The following PUM3 variants were observed in gnomAD, a reference collection of about 807,000 sequenced individuals.
PUM3 encodes the protein pumilio RNA binding family member 3, also known as pumilio homolog 3.
PUM3 carries 91 observed loss-of-function variants against 84.0 expected under a neutral mutation model. The ratio of observed to expected loss-of-function variants is 1.08; its 90% CI spans 0.91 to 1.29. PUM3 has a LOEUF of 1.29. PUM3 is among the 50% of genes most tolerant of loss of function. PUM3 has a pLI of 0.00. For missense variants in PUM3, 1,067 were observed against 767.5 expected (o/e 1.39, Z -4.61); for synonymous variants, 321 against 266.7 (o/e 1.20, Z -1.98).
At chr9:2,816,679 C>T (rs1004862107) in intron 13 of PUM3, among the ~76,000 whole-genome samples, 12 of 152,136 alleles carry the variant, frequency 7.9e-5, no homozygotes, top group Admixed American at 1.3e-4. Flanking sequence ...CCTGGCCTGG[C>T]CACTCATTTA....
chr9:2,808,918 T>C (rs938931406), intron 16 of PUM3, among the ~76,000 whole-genome samples: 4 of 152,124 alleles, frequency 2.6e-5, no homozygotes, highest in Non-Finnish European at 4.4e-5. Context: ...GTGCCACGCA[T>C]TTACTTTGTC....
chr9:2,827,231 T>A, intron 9 of PUM3, 80 bp from the exon 10 acceptor site: 1 of 885,178 alleles, frequency 1.1e-6, no homozygotes, highest in Non-Finnish European at 1.8e-6. Flanking sequence ...CTCAAAGTCC[T>A]AAAGTAATCT....
At chr9:2,837,633 A>T (rs1280850238) in intron 2 of PUM3, among the ~76,000 whole-genome samples, 1 of 152,162 alleles carries the variant, frequency 6.6e-6, no homozygotes, top group Non-Finnish European at 1.5e-5. Context: ...TGTAAAATAA[A>T]AGCTACCCAT....
At chr9:2,819,931 T>C in intron 13 of PUM3, 87 bp downstream of exon 13, 1 of 805,938 alleles carries the variant, frequency 1.2e-6, no homozygotes, top group Non-Finnish European at 2.1e-6. Context: ...GCTGCAAGTC[T>C]TTACACATGC....
intron 5 of PUM3, among the ~76,000 whole-genome samples, 156 bp from the exon 6 acceptor site, chr9:2,831,500 T>C (rs1287148629): frequency 6.6e-6 from 1 of 152,206 alleles, no homozygotes; most frequent in Non-Finnish European, 1.5e-5. Context: ...GTTTTAATTA[T>C]ACAAAACATC....
rs556274346 is a variant in PUM3 at position 2,831,035 on chromosome 9, A to C, written c.611-7T>G. On this transcript the variant is annotated splice_polypyrimidine_tract_variant and splice_region_variant and intron_variant, in intron 6 of 17. Coordinates refer to ENST00000397885, the MANE Select transcript of PUM3 (RefSeq NM_014878.5). Reference sequence around the variant, plus strand: ...CTTAACTCAACCAAATCATCTGAAAAACAAAAATACATTACAGTGACTTCA... The same window carrying C: ...CTTAACTCAACCAAATCATCTGAAACACAAAAATACATTACAGTGACTTCA... 4.8e-5 allele frequency: 67 copies of C among 1,408,436 alleles called. No homozygotes were observed. Among genetic ancestry groups the C allele is most frequent in the Non-Finnish European group, 5.6e-5 (56 of 1,002,094 alleles). The allele number at this position is 1,408,436 out of a possible 1,614,324, so 87.2% of individuals were successfully genotyped here.
Position 2,822,531 on chromosome 9 carries a change from TAAAC to T in PUM3, c.1188+1246_1188+1249del, listed in dbSNP as rs541393327. Among the ~76,000 whole-genome samples the T allele has an allele frequency of 1.4e-3, 219 of 151,870 alleles. 3 individuals are homozygous for T. The highest frequency in any genetic ancestry group is 4.7e-3 in the African/African-American group (197 of 41,510). On this transcript the variant is annotated intron_variant, in intron 12 of 17. Coordinates refer to ENST00000397885, the MANE Select transcript of PUM3 (RefSeq NM_014878.5). Reference sequence around the variant, plus strand: ...GTACTTAGTGTTAAATTACCTGACATAAACAAACTGTAGAACTAAAACAATATAA... The same window carrying T: ...GTACTTAGTGTTAAATTACCTGACATAAACTGTAGAACTAAAACAATATAA...
In PUM3 at chr9:2,829,868, G is replaced by C; in HGVS notation, c.758C>G (p.Ala253Gly). 6.2e-7 allele frequency: 1 copy of C among 1,613,960 alleles called. No homozygotes were observed. The highest frequency in any genetic ancestry group is 8.5e-7 in the Non-Finnish European group (1 of 1,179,884). ...GTCATTGTATGCGTACTCCACGATG[G>C]CTGATGCTTCCGCATGCCGCAGCAT... Reference protein sequence around the residue: ...RKMLRHAEASAIVEYAYNDKA... With the variant: ...RKMLRHAEASGIVEYAYNDKA... Residue 253 changes from alanine to glycine, a missense_variant, in exon 8 of 18, where the codon GCC (alanine) becomes GGC (glycine). By Grantham distance (60) the Ala-to-Gly change is moderately conservative. Coordinates refer to ENST00000397885, the MANE Select transcript of PUM3 (RefSeq NM_014878.5).
chr9:2,806,896 G>C (rs1201197653), intron 17 of PUM3, among the ~76,000 whole-genome samples: 1 of 152,132 alleles, frequency 6.6e-6, no homozygotes, highest in Non-Finnish European at 1.5e-5. Flanking sequence ...AGTTTTCACA[G>C]GGATGTAAGT....
chr9:2,833,998 G>C lies in PUM3; in HGVS notation c.440+33C>G, dbSNP rs375405404. The C allele has an allele frequency of 2.5e-6, 4 of 1,605,318 alleles. No homozygotes were observed. In the African/African-American group the frequency reaches 4.0e-5, roughly 16 times the overall value. On this transcript the variant is annotated intron_variant, in intron 4 of 17. Coordinates refer to ENST00000397885, the MANE Select transcript of PUM3 (RefSeq NM_014878.5). ...ACACTGACTTCTCCACTGTTGCAAA[G>C]GGACTAACAAAGGCATCTTTAGGTA...
Position 2,811,530 on chromosome 9 carries a change from G to C in PUM3, c.1466C>G (p.Ala489Gly). The change falls in exon 15 of 18, where the codon GCT becomes GGT. Residue 489 changes from alanine (A) to glycine (G), a missense_variant. Coordinates refer to ENST00000397885, the MANE Select transcript of PUM3 (RefSeq NM_014878.5). ...GTGTTCTTGCAGGTAGCTTAACAAA[G>C]CTGGAGAAATGGATTCTAGGAGCTC... ...RRELLESISP[A>G]LLSYLQEHAQ... 3.1e-6 allele frequency: 5 copies of C among 1,614,176 alleles called. No homozygotes were observed. Among genetic ancestry groups the C allele is most frequent in the Non-Finnish European group, 4.2e-6 (5 of 1,180,018 alleles).
At chr9:2,808,868 G>C (rs1189121148) in intron 16 of PUM3, among the ~76,000 whole-genome samples, 1 of 152,202 alleles carries the variant, frequency 6.6e-6, no homozygotes, top group African/African-American at 2.4e-5. Context: ...ACAGTATGAT[G>C]AAAGTGGCAT....
intron 5 of PUM3, 28 bp from the exon 6 acceptor site, chr9:2,831,372 AT>A (rs1255580396): frequency 7.1e-7 from 1 of 1,406,378 alleles, no homozygotes; most frequent in Non-Finnish European, 1.0e-6. Context: ...AGTTAGACTA[AT>A]TCTCTTTTGA....
At chr9:2,816,127 C>G (rs1008321017) in intron 13 of PUM3, among the ~76,000 whole-genome samples, 12 of 152,118 alleles carry the variant, frequency 7.9e-5, no homozygotes, top group Non-Finnish European at 1.5e-4. Flanking sequence ...GAAGACTGAG[C>G]CTGTGGTGTC....
At position 2,804,410 on chromosome 9, in the gene PUM3, T is replaced by C. The variant is rs1351856034; in HGVS notation, c.1868A>G (p.Lys623Arg). ...EVANKVKAAL[K>R]SLIPTLEKTK... is the part of the protein sequence containing the mutation. ...TTTTTCCAATGTAGGAATCAAGCTT[T>C]TCAGTGCAGCTTTGACTTTGTTTGC... The change falls in exon 18 of 18, where the codon AAA (lysine) becomes AGA (arginine). Residue 623 changes from lysine (K) to arginine (R), a missense_variant. Lys to Arg is a conservative substitution (Grantham distance 26, BLOSUM62 2). Coordinates refer to ENST00000397885, the MANE Select transcript of PUM3 (RefSeq NM_014878.5). The C allele has an allele frequency of 1.2e-6, 2 of 1,614,070 alleles. No individual in the cohort carries two copies. The highest frequency in any genetic ancestry group is 1.1e-5 in the South Asian group (1 of 91,058).
intron 3 of PUM3, 43 bp downstream of exon 3, chr9:2,837,137 A>G (rs1816143954): frequency 6.6e-7 from 1 of 1,526,458 alleles, no homozygotes; most frequent in Non-Finnish European, 9.1e-7. Context: ...CCTGTGCACA[A>G]TCGTTCAGGC....
Position 2,829,859 on chromosome 9 carries a change from T to C in PUM3, c.767A>G (p.Glu256Gly). Residue 256 changes from glutamate to glycine, a missense_variant, in exon 8 of 18, where the codon GAG becomes GGG. Coordinates refer to ENST00000397885, the MANE Select transcript of PUM3 (RefSeq NM_014878.5). ...LRHAEASAIV[E>G]YAYNDKAILE... ...AATGGCTTTGTCATTGTATGCGTACTCCACGATGGCTGATGCTTCCGCATG... is the reference window on the plus strand; with the variant it reads ...AATGGCTTTGTCATTGTATGCGTACCCCACGATGGCTGATGCTTCCGCATG... The C allele has an allele frequency of 6.2e-7, 1 of 1,614,150 alleles. No individual in the cohort carries two copies. The highest frequency in any genetic ancestry group is 8.5e-7 in the Non-Finnish European group (1 of 1,179,960).
At chr9:2,839,625 G>A (rs1258435580) in intron 1 of PUM3, among the ~76,000 whole-genome samples, 2 of 152,178 alleles carry the variant, frequency 1.3e-5, no homozygotes, top group African/African-American at 4.8e-5. Context: ...GGAGTACTCT[G>A]GAAAGTGCTG....
In PUM3 at chr9:2,837,132, G is replaced by A. The variant is rs370812883; in HGVS notation, c.304+48C>T. On this transcript the variant is annotated intron_variant, in intron 3 of 17. Transcript: ENST00000397885. Reference sequence around the variant, plus strand: ...TCTAACGCACCTCCAGAGTCCCTGTGCACAATCGTTCAGGCACTAGTTCAG... The same window carrying A: ...TCTAACGCACCTCCAGAGTCCCTGTACACAATCGTTCAGGCACTAGTTCAG... 33 of 1,498,820 alleles carry A rather than the reference G, an allele frequency of 2.2e-5. No homozygotes were observed. The African/African-American group carries it at 4.0e-4, about 18-fold the overall frequency. 92.8% of individuals were successfully genotyped at this position (1,498,820 alleles called of 1,614,324 possible). A position where few individuals can be genotyped will look rare whatever the true frequency, so the allele number is the denominator to read the frequency against.
Sources: allele counts gnomAD v4.1 joint callset (sites outside exome capture counted in the v4.1 genomes callset), GRCh38; gene constraint gnomAD v4.1.1; transcripts MANE v1.5; gene names NCBI Gene and HGNC (gene_info 2026-07-23, HGNC 2026-07-21).